NLGN4Y: variants seen among roughly 807,000 people sequenced by gnomAD.
NLGN4Y encodes the protein neuroligin 4 Y-linked, also known as neuroligin-4, Y-linked.
Under a neutral mutation model 8.4 loss-of-function variants are expected in NLGN4Y, and 4 were observed. The observed-to-expected ratio is 0.48, with a 90% CI of 0.23 to 1.09. NLGN4Y has a LOEUF of 1.09. Among genes scored for constraint, NLGN4Y ranks in the 50% least tolerant of loss-of-function variants. NLGN4Y has a pLI of 0.19. For synonymous variants in NLGN4Y, 35 were observed against 75.6 expected (o/e 0.46, Z 2.78); for missense variants, 90 against 192.3 (o/e 0.47, Z 3.15).
At chrY:14,643,069 A>G in intron 2 of NLGN4Y, among the ~76,000 whole-genome samples, 1 of 33,309 alleles carries the variant, frequency 3.0e-5, no homozygotes. Context: ...TTGGCCCAGT[A>G]ACTGTGCATA....
At chrY:14,545,230 A>T in intron 1 of NLGN4Y, among the ~76,000 whole-genome samples, 1 of 32,784 alleles carries the variant, frequency 3.1e-5, no homozygotes, top group Non-Finnish European at 7.5e-5. Flanking sequence ...GAATAATGCC[A>T]CAATAAACAT....
At chrY:14,605,705 GT>G (rs2080445024) in intron 1 of NLGN4Y, among the ~76,000 whole-genome samples, 5 of 32,946 alleles carry the variant, frequency 1.5e-4, no homozygotes, top group African/African-American at 5.9e-4. Flanking sequence ...ACTGGTGTGA[GT>G]TTTTGATTTG....
chrY:14,529,858 CACTA>C (rs2080104997), intron 1 of NLGN4Y, among the ~76,000 whole-genome samples: 1 of 29,612 alleles, frequency 3.4e-5, no homozygotes, highest in African/African-American at 1.3e-4. Flanking sequence ...TATGCCAACA[CACTA>C]ACTAGGAACT....
chrY:14,738,429 G>C (rs2080997150), intron 4 of NLGN4Y, among the ~76,000 whole-genome samples: 1 of 32,755 alleles, frequency 3.1e-5, no homozygotes, highest in African/African-American at 1.2e-4. Flanking sequence ...AATCCCATTG[G>C]TTTTTCTCCA....
chrY:14,557,812 A>C, intron 1 of NLGN4Y, among the ~76,000 whole-genome samples: 1 of 32,100 alleles, frequency 3.1e-5, no homozygotes, highest in African/African-American at 1.2e-4. Flanking sequence ...CTCATACAGT[A>C]TTGTGGGATT....
chrY:14,756,603 C>CA (rs2081058347), intron 4 of NLGN4Y, among the ~76,000 whole-genome samples: 12 of 26,539 alleles, frequency 4.5e-4, no homozygotes, highest in African/African-American at 1.8e-3. Context: ...CAAAAATTAG[C>CA]CAGGTGTGAT....
At chrY:14,763,941 T>C in intron 4 of NLGN4Y, among the ~76,000 whole-genome samples, 2 of 33,472 alleles carry the variant, frequency 6.0e-5, no homozygotes, top group East Asian at 1.6e-3. Context: ...CTTATTTCAC[T>C]TAACAATGGT....
chrY:14,604,864 T>C (rs770139531), intron 1 of NLGN4Y, among the ~76,000 whole-genome samples: 1 of 33,681 alleles, frequency 3.0e-5, no homozygotes, highest in East Asian at 7.7e-4. Context: ...CCACCATGCC[T>C]GGCCACGTTT....
At chrY:14,538,315 G>A in intron 1 of NLGN4Y, among the ~76,000 whole-genome samples, 1 of 34,171 alleles carries the variant, frequency 2.9e-5, no homozygotes, top group Non-Finnish European at 7.3e-5. Context: ...TAACATATCC[G>A]CTTATGTCAA....
intron 1 of NLGN4Y, 46 bp downstream of exon 1, chrY:14,524,754 T>A: frequency 8.2e-6 from 1 of 121,860 alleles, no homozygotes; most frequent in South Asian, 3.9e-5. Context: ...GGGGGCTTGC[T>A]GTGGGACAAG....
intron 2 of NLGN4Y, among the ~76,000 whole-genome samples, chrY:14,660,189 T>C (rs2080668844): frequency 3.0e-5 from 1 of 33,145 alleles, no homozygotes; most frequent in Non-Finnish European, 7.4e-5. Context: ...TGCAGGAACA[T>C]CTGATCCAAT....
intron 2 of NLGN4Y, among the ~76,000 whole-genome samples, chrY:14,707,091 G>A (rs1030886374): frequency 2.6e-4 from 1 of 3,886 alleles, no homozygotes; most frequent in African/African-American, 9.1e-4. Context: ...AATTTTATGT[G>A]TATATATATA....
chrY:14,812,596 G>GT (rs2043085988), intron 4 of NLGN4Y, among the ~76,000 whole-genome samples: 2 of 32,455 alleles, frequency 6.2e-5, no homozygotes, highest in African/African-American at 1.2e-4. Context: ...CAAGGGGGTT[G>GT]TTTTTTTCAT....
At chrY:14,597,572 G>T (rs2080407442) in intron 1 of NLGN4Y, among the ~76,000 whole-genome samples, 1 of 33,368 alleles carries the variant, frequency 3.0e-5, no homozygotes, top group Non-Finnish European at 7.4e-5. Context: ...GCTAGATACA[G>T]AGTGTCGATT....
intron 2 of NLGN4Y, among the ~76,000 whole-genome samples, chrY:14,687,270 G>C (rs760756285): frequency 3.1e-5 from 1 of 32,531 alleles, no homozygotes; most frequent in African/African-American, 1.2e-4. Context: ...AAGAAGCCAC[G>C]ATGATATATG....
chrY:14,584,368 C>T (rs2080330607), intron 1 of NLGN4Y, among the ~76,000 whole-genome samples: 1 of 33,076 alleles, frequency 3.0e-5, no homozygotes, highest in African/African-American at 1.2e-4. Flanking sequence ...GCTCCACTCC[C>T]GCATTGGCCT....
rs1459002511 is a variant in NLGN4Y at position 14,842,106 on chromosome Y, A to G, written c.*844A>G. The G allele has an allele frequency of 1.6e-5, 2 of 121,851 alleles. No homozygotes were observed. The highest frequency in any genetic ancestry group is 7.8e-5 in the South Asian group (2 of 25,715). 30.4% of individuals were successfully genotyped at this position (121,851 alleles called of 400,897 possible). ...TCATTTGTAGGAATATGTGATGTCA[A>G]ATGGAAGACTCAGAAGTTTTGTGTG... On this transcript the variant is annotated 3_prime_UTR_variant, in exon 7 of 7. Transcript: ENST00000684976.
intron 2 of NLGN4Y, among the ~76,000 whole-genome samples, chrY:14,642,994 T>C: frequency 3.0e-5 from 1 of 33,574 alleles, no homozygotes; most frequent in African/African-American, 1.2e-4. Flanking sequence ...AGAGACGCTG[T>C]CTTTGTGTGG....
rs2150503076 is a variant in NLGN4Y, at chrY:14,611,433, C to A, written c.-111-10576C>A. Among the ~76,000 whole-genome samples, 5 of 22,753 alleles carry A rather than the reference C, an allele frequency of 2.2e-4. No individual in the cohort carries two copies. The East Asian group carries it at 5.2e-3, about 24-fold the overall frequency. The allele number at this position is 22,753 out of a possible 37,273, so 61.0% of individuals were successfully genotyped here. A position where few individuals can be genotyped will look rare whatever the true frequency, so the allele number is the denominator to read the frequency against. On this transcript the variant is annotated intron_variant, in intron 1 of 6. Transcript: ENST00000684976. ...CCATATTTAGTACATCCTTCAGGAGCTCTTAAAGGCAGTCCTGGTGGTCAG... is the reference window on the plus strand; with the variant it reads ...CCATATTTAGTACATCCTTCAGGAGATCTTAAAGGCAGTCCTGGTGGTCAG...
Sources: allele counts gnomAD v4.1 joint callset (sites outside exome capture counted in the v4.1 genomes callset), GRCh38; gene constraint gnomAD v4.1.1; transcripts MANE v1.5; gene names NCBI Gene and HGNC (gene_info 2026-07-23, HGNC 2026-07-21).